The following SHANK2 variants were observed in gnomAD, a reference collection of about 807,000 sequenced individuals.
SHANK2 encodes SH3 and multiple ankyrin repeat domains 2, also known as SH3 and multiple ankyrin repeat domains protein 2.
A neutral mutation model predicts 133.7 loss-of-function variants in SHANK2; 43 were observed. The ratio of observed to expected loss-of-function variants is 0.32; its 90% CI spans 0.25 to 0.41. SHANK2 has a LOEUF of 0.41. Among genes scored for constraint, SHANK2 ranks in the 10% least tolerant of loss-of-function variants. The pLI is 1.00. For synonymous variants in SHANK2, 1,017 were observed against 952.8 expected (o/e 1.07, Z -1.24); for missense variants, 1,994 against 2,235.8 (o/e 0.89, Z 2.18).
chr11:70,652,669 C>T (rs1421417697), intron 17 of SHANK2, among the ~76,000 whole-genome samples: 7 of 151,822 alleles, frequency 4.6e-5, no homozygotes, highest in African/African-American at 7.3e-5. Context: ...AAGTTAGCTA[C>T]GTATGGTGGT....
At chr11:70,496,862 G>A (rs960703351) in intron 21 of SHANK2, 10 of 422,190 alleles carry the variant, frequency 2.4e-5, no homozygotes, top group African/African-American at 1.8e-4. Context: ...ACCACGAGGC[G>A]GGGGTGGGGG....
chr11:70,490,973 G>A lies in SHANK2; in HGVS notation c.2440-586C>T, dbSNP rs549128417. ...TGGAGCTGCTCAGGGGCACAGCCTGGAGTCTGCAGCAGTGAGCTGTCCCCA... is the reference window on the plus strand; with the variant it reads ...TGGAGCTGCTCAGGGGCACAGCCTGAAGTCTGCAGCAGTGAGCTGTCCCCA... On this transcript the variant is annotated intron_variant, in intron 22 of 25. Transcript: ENST00000601538. Among the ~76,000 whole-genome samples the A allele has an allele frequency of 3.9e-5, 6 of 152,338 alleles. No individual in the cohort carries two copies. In the South Asian group the frequency reaches 1.0e-3, roughly 26 times the overall value.
At chr11:70,874,521 C>T (rs1949524875) in intron 11 of SHANK2, among the ~76,000 whole-genome samples, 1 of 152,014 alleles carries the variant, frequency 6.6e-6, no homozygotes, top group Non-Finnish European at 1.5e-5. Context: ...AAATTATTTT[C>T]ATTAACAGTC....
intron 17 of SHANK2, among the ~76,000 whole-genome samples, chr11:70,658,246 GACACACAC>G (rs1315015158): frequency 1.6e-5 from 2 of 121,876 alleles, no homozygotes; most frequent in Admixed American, 1.7e-4. Flanking sequence ...CACACACACA[GACACACAC>G]ACACACACAG....
chr11:70,748,053 G>C (rs187383933), intron 14 of SHANK2, among the ~76,000 whole-genome samples: 1 of 152,026 alleles, frequency 6.6e-6, no homozygotes, highest in Non-Finnish European at 1.5e-5. Flanking sequence ...TGTCCACTCT[G>C]TACACCTCCT....
intron 10 of SHANK2, among the ~76,000 whole-genome samples, chr11:70,925,848 G>A (rs554322283): frequency 1.5e-3 from 222 of 152,286 alleles, no homozygotes; most frequent in Admixed American, 3.9e-3. Flanking sequence ...CTGAGCTGTT[G>A]CTCCTAGGAG....
intron 14 of SHANK2, among the ~76,000 whole-genome samples, chr11:70,760,661 T>G (rs10899445): frequency 0.9 from 137,215 of 152,302 alleles, 62,323 homozygotes; most frequent in South Asian, 0.97. Context: ...GCTGTGGGAG[T>G]GTGCAGCACA....
At chr11:70,711,438 G>A (rs563010783) in intron 14 of SHANK2, among the ~76,000 whole-genome samples, 3 of 152,386 alleles carry the variant, frequency 2.0e-5, no homozygotes, top group African/African-American at 7.2e-5. Context: ...CAAGGAGGAA[G>A]AAATTACTGA....
In SHANK2 at chr11:70,486,009, T is replaced by C; in HGVS notation, c.4284A>G (p.Ala1428=). 2 of 1,613,976 alleles carry C rather than the reference T, an allele frequency of 1.2e-6. No individual in the cohort carries two copies. Among genetic ancestry groups the C allele is most frequent in the Non-Finnish European group, 1.7e-6 (2 of 1,180,006 alleles). Residue 1428 remains alanine, a synonymous_variant, in exon 25 of 26, where the codon GCA becomes GCG. Coordinates refer to ENST00000601538, the MANE Select transcript of SHANK2 (RefSeq NM_012309.5). This position sits in a 1 kb window ranked among gnomAD's most constrained non-coding sequence, Gnocchi z 8.0. ...ANSFDIPDDR[A]ASVPALSDLV... is the part of the protein sequence containing the mutation. Reference sequence around the variant, plus strand: ...AGTCTGAGAGAGCCGGGACAGAAGCTGCCCGGTCATCGGGGATATCAAAAC... The same window carrying C: ...AGTCTGAGAGAGCCGGGACAGAAGCCGCCCGGTCATCGGGGATATCAAAAC...
chr11:70,532,743 G>A (rs557536793), intron 17 of SHANK2, among the ~76,000 whole-genome samples: 10 of 152,118 alleles, frequency 6.6e-5, no homozygotes, highest in Non-Finnish European at 1.2e-4. Context: ...CAATGACCCA[G>A]CAATTCCATG....
chr11:70,501,915 C>T lies in SHANK2; in HGVS notation c.2287+8G>A. 1 of 1,560,034 alleles carries T rather than the reference C, an allele frequency of 6.4e-7. No homozygotes were observed. Among genetic ancestry groups the T allele is most frequent in the Non-Finnish European group, 8.7e-7 (1 of 1,151,254 alleles). The stretch of plus-strand genomic sequence containing the variant: ...GAGCTGCTTTGGGGACCCAGTGGGG[C>T]TGCTTACCTTTATCCACTAGTGAGA... On this transcript the variant is annotated splice_region_variant and intron_variant, in intron 20 of 25. Transcript: ENST00000601538.
intron 14 of SHANK2, among the ~76,000 whole-genome samples, chr11:70,784,242 T>G (rs189694140): frequency 2.0e-5 from 3 of 149,602 alleles, no homozygotes; most frequent in Non-Finnish European, 4.4e-5. Context: ...AGTGGCAGGA[T>G]CTCAGCTCAC....
At chr11:70,576,068 G>C (rs2060112392) in intron 17 of SHANK2, among the ~76,000 whole-genome samples, 1 of 152,094 alleles carries the variant, frequency 6.6e-6, no homozygotes, top group Non-Finnish European at 1.5e-5. Flanking sequence ...CCCACAAGGA[G>C]AGCATTTCAC....
At chr11:70,481,252 T>C (rs556186232) in intron 25 of SHANK2, among the ~76,000 whole-genome samples, 1 of 152,378 alleles carries the variant, frequency 6.6e-6, no homozygotes, top group African/African-American at 2.4e-5. Flanking sequence ...CTTCATCATC[T>C]TCCTTTCGTC....
At chr11:70,848,599 C>A (rs1555064442) in intron 11 of SHANK2, among the ~76,000 whole-genome samples, 1 of 152,198 alleles carries the variant, frequency 6.6e-6, no homozygotes. Flanking sequence ...TTCTGAGGGT[C>A]CAGGAAGGAA....
chr11:71,121,976 C>T (rs1352885280), intron 3 of SHANK2, among the ~76,000 whole-genome samples: 1 of 152,132 alleles, frequency 6.6e-6, no homozygotes, highest in Non-Finnish European at 1.5e-5. Flanking sequence ...GAATGGCGAT[C>T]ATTAAAAAGT....
intron 14 of SHANK2, among the ~76,000 whole-genome samples, chr11:70,784,059 G>T (rs1405383227): frequency 2.0e-5 from 3 of 152,324 alleles, no homozygotes; most frequent in East Asian, 3.9e-4. Flanking sequence ...GGCCCCAAGG[G>T]TGTCTCCGGG....
At chr11:70,790,315 G>A (rs1947761416) in intron 14 of SHANK2, among the ~76,000 whole-genome samples, 3 of 152,166 alleles carry the variant, frequency 2.0e-5, no homozygotes, top group Non-Finnish European at 2.9e-5. Flanking sequence ...CCAGGGCACT[G>A]TCTCTCCACC....
intron 1 of SHANK2, among the ~76,000 whole-genome samples, chr11:71,246,347 G>A (rs1555125001): frequency 6.6e-6 from 1 of 152,098 alleles, no homozygotes; most frequent in Admixed American, 6.5e-5. Flanking sequence ...TTCTCCTTGA[G>A]AAGAGGAGGG....
Sources: gnomAD v4.1 joint callset for allele counts (sites outside exome capture counted in the v4.1 genomes callset) on GRCh38, gnomAD v4.1.1 for gene constraint, Gnocchi (gnomAD v3.1) non-coding constraint, MANE v1.5 for transcripts, NCBI Gene and HGNC (gene_info 2026-07-23, HGNC 2026-07-21) for gene names.